The following ARHGAP42 variants were observed in gnomAD, a reference collection of about 807,000 sequenced individuals.
ARHGAP42 encodes the protein rho GTPase-activating protein 42.
Under a neutral mutation model 125.0 loss-of-function variants are expected in ARHGAP42, and 63 were observed. The observed-to-expected ratio is 0.50, with a 90% CI of 0.41 to 0.62. The LOEUF is 0.62. Among genes scored for constraint, ARHGAP42 ranks in the 20% least tolerant of loss-of-function variants. ARHGAP42 has a pLI of 0.00. For synonymous variants in ARHGAP42, 339 were observed against 351.0 expected, an observed-to-expected ratio of 0.97 and a Z score of 0.38; for missense variants, 766 against 1,024.2, an observed-to-expected ratio of 0.75 and a Z score of 3.44.
intron 1 of ARHGAP42, among the ~76,000 whole-genome samples, chr11:100,766,614 A>G (rs1862835131): frequency 6.6e-6 from 1 of 152,202 alleles, no homozygotes; most frequent in Non-Finnish European, 1.5e-5. Context: ...TGGGCTTTCT[A>G]ATTCAGAATT....
At chr11:100,883,741 G>A (rs1866017172) in intron 4 of ARHGAP42, among the ~76,000 whole-genome samples, 1 of 152,068 alleles carries the variant, frequency 6.6e-6, no homozygotes, top group Non-Finnish European at 1.5e-5. Context: ...CTTTTTTGGA[G>A]AACTTTATAG....
At chr11:100,792,845 C>T (rs149358243) in intron 2 of ARHGAP42, among the ~76,000 whole-genome samples, 5,198 of 151,708 alleles carry the variant, frequency 0.034, 295 homozygotes, top group East Asian at 0.26. Flanking sequence ...CTCTGCCTTC[C>T]GGGTTCACGC....
In ARHGAP42 at chr11:100,891,734, C is replaced by T. The variant is rs567110425; in HGVS notation, c.385-21718C>T. On this transcript the variant is annotated intron_variant, in intron 4 of 23. Transcript: ENST00000298815. ...CTGGGATTACAGGTGTGAGCCACCACGCCCAGCCAAAAGCATCAACTATTG... is the reference window on the plus strand; with the variant it reads ...CTGGGATTACAGGTGTGAGCCACCATGCCCAGCCAAAAGCATCAACTATTG... Among the ~76,000 whole-genome samples the T allele has an allele frequency of 5.9e-5, 9 of 152,258 alleles. No individual in the cohort carries two copies. In the East Asian group the frequency reaches 1.4e-3, roughly 23 times the overall value.
chr11:100,906,095 T>C (rs1202029047), intron 4 of ARHGAP42, among the ~76,000 whole-genome samples: 1 of 152,202 alleles, frequency 6.6e-6, no homozygotes, highest in Admixed American at 6.5e-5. Context: ...TTCTGGAAGA[T>C]CATATTACCA....
intron 3 of ARHGAP42, among the ~76,000 whole-genome samples, chr11:100,853,229 C>T (rs1273562586): frequency 6.6e-6 from 1 of 152,120 alleles, no homozygotes; most frequent in Non-Finnish European, 1.5e-5. Flanking sequence ...TGACCTTTCA[C>T]ATATCTTGAT....
At chr11:100,837,663 ATCCTTTTTT>A (rs1435335181) in intron 3 of ARHGAP42, among the ~76,000 whole-genome samples, 21 of 35,396 alleles carry the variant, frequency 5.9e-4, no homozygotes, top group African/African-American at 1.1e-3. Context: ...TCTAGGTGTC[ATCCTTTTTT>A]TTTTTTTTTT....
At chr11:100,870,071 T>C (rs1434627961) in intron 4 of ARHGAP42, among the ~76,000 whole-genome samples, 9 of 152,300 alleles carry the variant, frequency 5.9e-5, no homozygotes, top group African/African-American at 1.9e-4. Flanking sequence ...ATGTGAAAGA[T>C]CTTGAGACTG....
intron 3 of ARHGAP42, among the ~76,000 whole-genome samples, chr11:100,806,604 A>AC (rs58054749): frequency 4.8e-5 from 7 of 144,580 alleles, no homozygotes; most frequent in Non-Finnish European, 1.1e-4. Flanking sequence ...ATTAAAAAAA[A>AC]TAATAATAAA....
rs548469628 is a variant in ARHGAP42 at position 100,873,867 on chromosome 11, A to G, written c.384+14242A>G. ...TTAACTCTAAGGCACATGCCCCTCA[A>G]CCACATACTATATTCATGAGGGCAG... On this transcript the variant is annotated intron_variant, in intron 4 of 23. Transcript: ENST00000298815. Among the ~76,000 whole-genome samples, 9 of 152,302 alleles carry G rather than the reference A, an allele frequency of 5.9e-5. No individual in the cohort carries two copies. In the East Asian group the frequency reaches 1.5e-3, roughly 26 times the overall value.
chr11:100,854,804 A>G (rs931929887), intron 3 of ARHGAP42, among the ~76,000 whole-genome samples: 2 of 152,200 alleles, frequency 1.3e-5, no homozygotes, highest in African/African-American at 4.8e-5. Flanking sequence ...TGAGGAAGGA[A>G]GAACTAGATA....
At chr11:100,944,917 G>C (rs573066695) in intron 10 of ARHGAP42, among the ~76,000 whole-genome samples, 1 of 152,028 alleles carries the variant, frequency 6.6e-6, no homozygotes, top group South Asian at 2.1e-4. Context: ...CAGCAATAAA[G>C]TTTGCCACAT....
At chr11:100,828,458 A>G (rs1864579718) in intron 3 of ARHGAP42, among the ~76,000 whole-genome samples, 1 of 152,156 alleles carries the variant, frequency 6.6e-6, no homozygotes, top group Non-Finnish European at 1.5e-5. Context: ...GTCTCTGACT[A>G]GGCTTCTGTG....
In ARHGAP42 at chr11:100,976,860, G is replaced by T. The variant is rs1858405588; in HGVS notation, c.2282G>T (p.Gly761Val). 3.9e-6 allele frequency: 6 copies of T among 1,551,340 alleles called. No individual in the cohort carries two copies. In the East Asian group the frequency reaches 1.5e-4, roughly 38 times the overall value. ...TCTATTCAAAGCTTAACTTCTGTAG[G>T]TTCCAAGGAGACACCCAAAGCTTCA... is the stretch of plus-strand genomic sequence containing the variant. ...SGSIQSLTSV[G>V]SKETPKASPN... Residue 761 changes from glycine (G) to valine (V), a missense_variant, in exon 21 of 24, where the codon GGT becomes GTT. Gly to Val is a moderately radical substitution (Grantham distance 109, BLOSUM62 -3). Around this residue, in one of 3 missense-constraint regions of ARHGAP42, gnomAD observed 308 missense variants for 369.7 expected, o/e 0.83. Coordinates refer to ENST00000298815, the MANE Select transcript of ARHGAP42 (RefSeq NM_152432.4).
chr11:100,844,304 T>C (rs1389358548), intron 3 of ARHGAP42, among the ~76,000 whole-genome samples: 2 of 148,824 alleles, frequency 1.3e-5, no homozygotes, highest in African/African-American at 5.2e-5. Context: ...CAACTCAAGA[T>C]GTATCTAGGA....
intron 22 of ARHGAP42, among the ~76,000 whole-genome samples, chr11:100,980,451 C>A (rs539466229): frequency 6.6e-6 from 1 of 150,992 alleles, no homozygotes; most frequent in South Asian, 2.1e-4. Flanking sequence ...AGGTAATCCC[C>A]GTAGAGCTTT....
intron 1 of ARHGAP42, among the ~76,000 whole-genome samples, chr11:100,763,388 C>G (rs34636774): frequency 0.033 from 4,997 of 152,236 alleles, 138 homozygotes; most frequent in Middle Eastern, 0.092. Flanking sequence ...AGGGCAAAAA[C>G]AGATGAATAT....
At chr11:100,790,160 C>T (rs1226775681) in intron 2 of ARHGAP42, among the ~76,000 whole-genome samples, 2 of 152,022 alleles carry the variant, frequency 1.3e-5, no homozygotes, top group Admixed American at 6.5e-5. Flanking sequence ...TGAATTTAAG[C>T]GTGCTAAAAA....
At chr11:100,823,922 T>C (rs1471072504) in intron 3 of ARHGAP42, among the ~76,000 whole-genome samples, 2 of 152,178 alleles carry the variant, frequency 1.3e-5, no homozygotes, top group African/African-American at 2.4e-5. Flanking sequence ...GTTATGTCAT[T>C]ATTGAGGATA....
intron 3 of ARHGAP42, among the ~76,000 whole-genome samples, chr11:100,840,185 T>C (rs532373518): frequency 1.3e-5 from 2 of 152,278 alleles, no homozygotes; most frequent in East Asian, 3.9e-4. Flanking sequence ...GCTAAATGTT[T>C]CTACATTTCC....
Sources: allele counts gnomAD v4.1 joint callset (sites outside exome capture counted in the v4.1 genomes callset), GRCh38; gene constraint gnomAD v4.1.1; regional missense constraint gnomAD v4.1.1; transcripts MANE v1.5; gene names NCBI Gene and HGNC (gene_info 2026-07-23, HGNC 2026-07-21).